SMIM14: variants seen among roughly 807,000 people sequenced by gnomAD.
SMIM14 encodes chromosome 4 open reading frame 34.
A neutral mutation model predicts 12.6 loss-of-function variants in SMIM14; 5 were observed. That is an observed-to-expected ratio of 0.40 (90% CI 0.21 to 0.83). The LOEUF is 0.83. Among genes scored for constraint, SMIM14 ranks in the 40% least tolerant of loss-of-function variants. SMIM14 has a pLI of 0.37. For synonymous variants in SMIM14, 30 were observed against 40.1 expected (o/e 0.75, Z 0.95); for missense variants, 86 against 119.1 (o/e 0.72, Z 1.29).
At chr4:39,637,817 T>A (rs1445338308) in intron 1 of SMIM14, among the ~76,000 whole-genome samples, 1 of 152,212 alleles carries the variant, frequency 6.6e-6, no homozygotes, top group Non-Finnish European at 1.5e-5. Context: ...TGGAAGGTCT[T>A]ACGCTTTCCA....
In SMIM14 at chr4:39,548,728, T is replaced by C. The variant is rs1396918146; in HGVS notation, c.*3398A>G. 1 of 152,202 alleles carries C rather than the reference T, an allele frequency of 6.6e-6. No individual in the cohort carries two copies. The highest frequency in any genetic ancestry group is 1.5e-5 in the Non-Finnish European group (1 of 68,038). The allele number at this position is 152,202 out of a possible 1,614,324, so 9.4% of individuals were successfully genotyped here. On this transcript the variant is annotated 3_prime_UTR_variant, in exon 5 of 5. Transcript: ENST00000295958. ...TAGGTCAACAAGAATATTTCATGTA[T>C]AGTACACTGTCTAAGGAATGCAGAG... is the stretch of plus-strand genomic sequence containing the variant.
chr4:39,631,075 T>C (rs1715877605), intron 1 of SMIM14, among the ~76,000 whole-genome samples: 1 of 152,142 alleles, frequency 6.6e-6, no homozygotes. Context: ...ATGGTAGCTG[T>C]AATCCCAGGA....
At chr4:39,595,667 G>A (rs561548244) in intron 2 of SMIM14, among the ~76,000 whole-genome samples, 6 of 149,128 alleles carry the variant, frequency 4.0e-5, no homozygotes, top group Non-Finnish European at 7.4e-5. Context: ...AGAGTGCAGT[G>A]GCACAATCTT....
chr4:39,628,000 G>A (rs1715760039), intron 1 of SMIM14, among the ~76,000 whole-genome samples: 1 of 152,164 alleles, frequency 6.6e-6, no homozygotes, highest in Admixed American at 6.5e-5. Flanking sequence ...GTGTCATGGA[G>A]AGAAAATTTT....
At chr4:39,584,080 T>G (rs1368020506) in intron 2 of SMIM14, 1 of 151,960 alleles carries the variant, frequency 6.6e-6, no homozygotes, top group Non-Finnish European at 1.5e-5. Context: ...TCCTGGATGA[T>G]CACATCTCTG....
intron 2 of SMIM14, among the ~76,000 whole-genome samples, chr4:39,584,971 C>G (rs1287534506): frequency 2.6e-5 from 4 of 151,864 alleles, no homozygotes; most frequent in Non-Finnish European, 5.9e-5. Context: ...CTTTCCCCAG[C>G]TCTACAAAGC....
At position 39,590,763 on chromosome 4, in the gene SMIM14, T is replaced by C. The variant is rs528321346; in HGVS notation, c.75+14308A>G. Among the ~76,000 whole-genome samples, 26 of 150,790 alleles carry C rather than the reference T, an allele frequency of 1.7e-4. No homozygotes were observed. In the East Asian group the frequency reaches 3.1e-3, roughly 18 times the overall value. ...GTTGCTGTGAGCCCAGATTGCGCCATTGCACTCCCGCTTGGGAGACAGGGC... is the reference window on the plus strand; with the variant it reads ...GTTGCTGTGAGCCCAGATTGCGCCACTGCACTCCCGCTTGGGAGACAGGGC... On this transcript the variant is annotated intron_variant, in intron 2 of 4. Transcript: ENST00000295958.
chr4:39,561,658 A>G (rs1032611203), intron 3 of SMIM14, among the ~76,000 whole-genome samples: 7 of 150,552 alleles, frequency 4.6e-5, no homozygotes, highest in Non-Finnish European at 1.0e-4. Flanking sequence ...GGTGGCTCAC[A>G]CCTGTAGTCC....
At chr4:39,619,246 T>G (rs947635442) in intron 1 of SMIM14, among the ~76,000 whole-genome samples, 5 of 134,058 alleles carry the variant, frequency 3.7e-5, no homozygotes, top group Admixed American at 3.2e-4. Context: ...ATAAATATAA[T>G]TTATTCTATA....
intron 1 of SMIM14, among the ~76,000 whole-genome samples, chr4:39,608,244 G>A (rs1336636876): frequency 6.6e-6 from 1 of 152,202 alleles, no homozygotes; most frequent in Non-Finnish European, 1.5e-5. Flanking sequence ...AGGCTGAGGT[G>A]GGAGGATCAC....
intron 1 of SMIM14, among the ~76,000 whole-genome samples, chr4:39,624,947 C>T (rs1715635779): frequency 6.6e-6 from 1 of 151,362 alleles, no homozygotes; most frequent in Non-Finnish European, 1.5e-5. Context: ...TGGCTCACAC[C>T]TATAATCCCA....
chr4:39,557,257 C>T (rs1037587821), intron 3 of SMIM14, among the ~76,000 whole-genome samples: 3 of 152,102 alleles, frequency 2.0e-5, no homozygotes, highest in African/African-American at 4.8e-5. Context: ...GGTGATCCAC[C>T]TGCCTTGGCC....
intron 3 of SMIM14, among the ~76,000 whole-genome samples, chr4:39,560,836 C>T (rs1712274428): frequency 6.6e-6 from 1 of 152,016 alleles, no homozygotes; most frequent in African/African-American, 2.4e-5. Flanking sequence ...CTCAACAGCC[C>T]TGTATTTAAT....
intron 2 of SMIM14, among the ~76,000 whole-genome samples, chr4:39,584,808 A>G (rs935544261): frequency 4.0e-5 from 6 of 150,430 alleles, no homozygotes; most frequent in Admixed American, 6.7e-5. Flanking sequence ...AAAAAAAAAA[A>G]AAAGAAAAAA....
At chr4:39,577,311 G>A (rs1713254363) in intron 2 of SMIM14, among the ~76,000 whole-genome samples, 2 of 151,994 alleles carry the variant, frequency 1.3e-5, no homozygotes, top group East Asian at 3.9e-4. Flanking sequence ...AAGGTGTGTT[G>A]GTTCATAAGT....
intron 2 of SMIM14, chr4:39,593,324 G>A (rs1351060073): frequency 2.0e-5 from 3 of 152,164 alleles, no homozygotes. Flanking sequence ...CTCAATAGAT[G>A]CAGAAAAGGC....
chr4:39,581,518 CTTTTT>C (rs1432369898), intron 2 of SMIM14, among the ~76,000 whole-genome samples: 1 of 132,078 alleles, frequency 7.6e-6, no homozygotes, highest in South Asian at 2.7e-4. Flanking sequence ...TTTTCTTTTT[CTTTTT>C]TTTTTTTTTT....
intron 4 of SMIM14, among the ~76,000 whole-genome samples, chr4:39,555,654 G>T (rs768052460): frequency 1.3e-4 from 20 of 152,236 alleles, no homozygotes; most frequent in Admixed American, 7.2e-4. Context: ...CAACATGAAT[G>T]ATTCCGACCT....
intron 3 of SMIM14, among the ~76,000 whole-genome samples, chr4:39,563,879 TTCC>T (rs950456197): frequency 6.6e-6 from 1 of 152,080 alleles, no homozygotes; most frequent in Non-Finnish European, 1.5e-5. Context: ...CTTTCTCCTC[TTCC>T]TCCTCCTCCT....
Sources: allele counts gnomAD v4.1 joint callset (sites outside exome capture counted in the v4.1 genomes callset), GRCh38; gene constraint gnomAD v4.1.1; transcripts MANE v1.5; gene names NCBI Gene and HGNC (gene_info 2026-07-23, HGNC 2026-07-21).